Variants in SLC12A3 observed in about 807,000 individuals in gnomAD.
SLC12A3 encodes Na-Cl cotransporter.
Under a neutral mutation model 121.0 loss-of-function variants are expected in SLC12A3, and 104 were observed. That is an observed-to-expected ratio of 0.86 (90% CI 0.73 to 1.01). The LOEUF (loss-of-function observed/expected upper bound fraction) is 1.01, where lower values mean the gene tolerates loss of function less well. Among genes scored for constraint, SLC12A3 ranks in the 50% least tolerant of loss-of-function variants. SLC12A3 has a pLI of 0.00. For synonymous variants in SLC12A3, 536 were observed against 533.4 expected (o/e 1.00, Z -0.07); for missense variants, 1,328 against 1,356.3 (o/e 0.98, Z 0.33).
chr16:56,899,707 A>G, intron 23 of SLC12A3, 91 bp downstream of exon 23: 1 of 910,534 alleles, frequency 1.1e-6, no homozygotes, highest in Non-Finnish European at 1.8e-6. Context: ...TTGGTAGACT[A>G]GGAGCAAGGG....
intron 6 of SLC12A3, among the ~76,000 whole-genome samples, chr16:56,871,674 A>G (rs541308565): frequency 1.2e-3 from 184 of 152,290 alleles, no homozygotes; most frequent in African/African-American, 4.2e-3. Flanking sequence ...TCATCCTGCT[A>G]AATGAGCTCC....
chr16:56,915,584 A>G lies in SLC12A3; in HGVS notation c.*2179A>G, dbSNP rs2144798424. ...GAGCTGGATTCTGGGATAATTCTTA[A>G]CTCGAAATAAGGGGAAGCATCCATC... On this transcript the variant is annotated 3_prime_UTR_variant, in exon 26 of 26. Coordinates refer to ENST00000563236, the MANE Select transcript of SLC12A3 (RefSeq NM_001126108.2). 6.6e-6 allele frequency: 1 copy of G among 152,208 alleles called. No homozygotes were observed. The highest frequency in any genetic ancestry group is 1.5e-5 in the Non-Finnish European group (1 of 68,004). 9.4% of individuals were successfully genotyped at this position (152,208 alleles called of 1,614,324 possible).
Position 56,870,238 on chromosome 16 carries a change from G to A in SLC12A3, c.741+3G>A, listed in dbSNP as rs1255740600. 1.2e-6 allele frequency: 2 copies of A among 1,612,474 alleles called. No individual in the cohort carries two copies. Among genetic ancestry groups the A allele is most frequent in the Non-Finnish European group, 1.7e-6 (2 of 1,179,914 alleles). The stretch of plus-strand genomic sequence containing the variant: ...AGACCGTGCGGGACCTGCTCCAGGT[G>A]AGGCCGGGGGGCTGGACCCTGGGTA... On this transcript the variant is annotated splice_donor_region_variant and intron_variant, in intron 5 of 25. Transcript: ENST00000563236.
At position 56,871,773 on chromosome 16, in the gene SLC12A3, G is replaced by A. The variant is rs181807858; in HGVS notation, c.853-578G>A. On this transcript the variant is annotated intron_variant, in intron 6 of 25. Coordinates refer to ENST00000563236, the MANE Select transcript of SLC12A3 (RefSeq NM_001126108.2). Reference sequence around the variant, plus strand: ...AGTCTCGTTCTGTCACCTAGGCTGGGGTGCAGAGGCGTGATCTCGGCTCAC... The same window carrying A: ...AGTCTCGTTCTGTCACCTAGGCTGGAGTGCAGAGGCGTGATCTCGGCTCAC... 1.3e-3 allele frequency among the ~76,000 whole-genome samples: 199 copies of A among 152,028 alleles called. 1 individual carries two copies. The highest frequency in any genetic ancestry group is 2.4e-3 in the Non-Finnish European group (165 of 67,974).
At chr16:56,912,322 CT>C (rs2055697084) in intron 25 of SLC12A3, among the ~76,000 whole-genome samples, 2 of 152,252 alleles carry the variant, frequency 1.3e-5, no homozygotes, top group Admixed American at 1.3e-4. Context: ...AGAAAAGTCA[CT>C]TCCTGAAATA....
chr16:56,908,277 C>G (rs1000739702), intron 25 of SLC12A3, among the ~76,000 whole-genome samples: 6 of 149,932 alleles, frequency 4.0e-5, no homozygotes, highest in Non-Finnish European at 8.9e-5. Flanking sequence ...TCTCCTGCCT[C>G]AGCCTCCTGA....
chr16:56,900,792 A>G (rs2055527903), intron 23 of SLC12A3, among the ~76,000 whole-genome samples: 1 of 152,088 alleles, frequency 6.6e-6, no homozygotes, highest in Non-Finnish European at 1.5e-5. Flanking sequence ...TGGCCTCCCA[A>G]AGTGCTGAGA....
chr16:56,913,652 A>T lies in SLC12A3; in HGVS notation c.*247A>T. The T allele has an allele frequency of 1.8e-6, 1 of 561,212 alleles. No homozygotes were observed. Among genetic ancestry groups the T allele is most frequent in the Non-Finnish European group, 3.2e-6 (1 of 313,022 alleles). The allele number at this position is 561,212 out of a possible 1,614,324, so 34.8% of individuals were successfully genotyped here. On this transcript the variant is annotated 3_prime_UTR_variant, in exon 26 of 26. Transcript: ENST00000563236. ...GATGGAGCTGCAAGGAAAACTCTCT[A>T]AAGCATCCTATTCCTTTTAAAGGAT...
intron 8 of SLC12A3, among the ~76,000 whole-genome samples, chr16:56,874,538 T>G (rs1299929444): frequency 6.6e-6 from 1 of 152,226 alleles, no homozygotes; most frequent in East Asian, 1.9e-4. Flanking sequence ...CAGTGGCTCA[T>G]GCCTGTAATC....
chr16:56,881,445 G>C (rs55779455), intron 12 of SLC12A3, among the ~76,000 whole-genome samples: 9,237 of 112,552 alleles, frequency 0.082, 583 homozygotes, highest in African/African-American at 0.2. Context: ...CCTTTCATCT[G>C]GGGGGGGGTC....
At position 56,879,141 on chromosome 16, in the gene SLC12A3, G is replaced by C; in HGVS notation, c.1249G>C (p.Glu417Gln). ...AGTGACCCCTGGCTGGGGTGCCTGCGAGGGGCTGGCCTGCAGCTATGGCTG... is the reference window on the plus strand; with the variant it reads ...AGTGACCCCTGGCTGGGGTGCCTGCCAGGGGCTGGCCTGCAGCTATGGCTG... ...DTVTPGWGAC[E>Q]GLACSYGWNF... Residue 417 changes from glutamate to glutamine, a missense_variant, in exon 10 of 26, where the codon GAG (glutamate) becomes CAG (glutamine). Coordinates refer to ENST00000563236, the MANE Select transcript of SLC12A3 (RefSeq NM_001126108.2). 6.2e-7 allele frequency: 1 copy of C among 1,613,938 alleles called. No homozygotes were observed. The highest frequency in any genetic ancestry group is 1.1e-5 in the South Asian group (1 of 91,076).
At chr16:56,866,372 G>T (rs1437046406) in intron 1 of SLC12A3, among the ~76,000 whole-genome samples, 3 of 152,170 alleles carry the variant, frequency 2.0e-5, no homozygotes, top group Non-Finnish European at 2.9e-5. Flanking sequence ...ATGGCCCTTG[G>T]CTCCATACTG....
intron 22 of SLC12A3, 69 bp from the exon 23 acceptor site, chr16:56,899,461 C>G: frequency 4.8e-6 from 6 of 1,239,404 alleles, no homozygotes; most frequent in South Asian, 1.2e-5. Flanking sequence ...TGCACTCCAG[C>G]CTGGGAGACA....
Position 56,894,036 on chromosome 16 carries a change from C to T in SLC12A3, c.2522-495C>T, listed in dbSNP as rs1242544193. Among the ~76,000 whole-genome samples the T allele has an allele frequency of 2.7e-5, 4 of 150,362 alleles. No homozygotes were observed. In the Admixed American group the frequency reaches 2.7e-4, roughly 10 times the overall value. On this transcript the variant is annotated intron_variant, in intron 21 of 25. Transcript: ENST00000563236. The stretch of plus-strand genomic sequence containing the variant: ...ATTTATTTATTGAGATGGAGTCTCA[C>T]TCTGTTGCCCAGGCTGGAGTGCAAT...
chr16:56,902,531 G>GCT, intron 24 of SLC12A3, 23 bp downstream of exon 24: 2 of 714,570 alleles, frequency 2.8e-6, no homozygotes, highest in Non-Finnish European at 4.8e-6. Flanking sequence ...GTGGGGGTGG[G>GCT]AAACGCGACA....
At chr16:56,908,844 A>T (rs1455109521) in intron 25 of SLC12A3, among the ~76,000 whole-genome samples, 1 of 152,244 alleles carries the variant, frequency 6.6e-6, no homozygotes, top group East Asian at 1.9e-4. Flanking sequence ...AAGACAGTGG[A>T]AATGGCTTTG....
At chr16:56,904,252 G>A (rs781304342) in intron 24 of SLC12A3, 143 bp from the exon 25 acceptor site, 4 of 806,958 alleles carry the variant, frequency 5.0e-6, no homozygotes, top group Non-Finnish European at 6.5e-6. Context: ...GGAGACAGGA[G>A]ACTCTATAAG....
intron 8 of SLC12A3, among the ~76,000 whole-genome samples, chr16:56,876,891 G>T (rs1352446919): frequency 6.6e-6 from 1 of 152,212 alleles, no homozygotes; most frequent in Non-Finnish European, 1.5e-5. Flanking sequence ...CTGTGTTGCT[G>T]CACCCAGGAT....
At chr16:56,899,483 T>C (rs1596944719) in intron 22 of SLC12A3, 47 bp from the exon 23 acceptor site, 2 of 1,429,324 alleles carry the variant, frequency 1.4e-6, no homozygotes, top group Non-Finnish European at 2.0e-6. Context: ...AGCAAGACGC[T>C]GTCTCAAGAA....
Sources: allele counts gnomAD v4.1 joint callset (sites outside exome capture counted in the v4.1 genomes callset), GRCh38; gene constraint gnomAD v4.1.1; transcripts MANE v1.5; gene names NCBI Gene and HGNC (gene_info 2026-07-23, HGNC 2026-07-21).